Variants in CLVS1 observed in about 807,000 individuals in gnomAD.
The protein encoded by CLVS1 is clavesin-1.
Under a neutral mutation model 33.1 loss-of-function variants are expected in CLVS1, and 10 were observed. That is an observed-to-expected ratio of 0.30 (90% CI 0.19 to 0.51). The LOEUF is 0.51. Ranked by LOEUF, CLVS1 falls within the 20% of genes least tolerant of loss-of-function variation. CLVS1 has a pLI of 0.97. For synonymous variants in CLVS1, 163 were observed against 166.1 expected, an observed-to-expected ratio of 0.98 and a Z score of 0.14; for missense variants, 343 against 433.4, an observed-to-expected ratio of 0.79 and a Z score of 1.85.
chr8:61,358,794 C>T (rs904787854), intron 2 of CLVS1, among the ~76,000 whole-genome samples: 1 of 152,100 alleles, frequency 6.6e-6, no homozygotes, highest in Non-Finnish European at 1.5e-5. Context: ...ATACATCAGG[C>T]ACATAGATTT....
intron 2 of CLVS1, among the ~76,000 whole-genome samples, chr8:61,147,467 G>A (rs900412055): frequency 6.6e-6 from 1 of 152,160 alleles, no homozygotes; most frequent in African/African-American, 2.4e-5. Context: ...ACATTTCTGG[G>A]CATAGTAGTT....
chr8:61,219,069 C>G (rs765685696), intron 2 of CLVS1, among the ~76,000 whole-genome samples: 1 of 152,194 alleles, frequency 6.6e-6, no homozygotes, highest in Non-Finnish European at 1.5e-5. Context: ...TTCATAGGAT[C>G]TCTGAGGTCA....
chr8:61,014,609 A>T, the CLVS1 span, among the ~76,000 whole-genome samples: 1 of 152,232 alleles, frequency 6.6e-6, no homozygotes, highest in African/African-American at 2.4e-5. Context: ...AGTTGTTTTT[A>T]TGTGTTTTGA....
chr8:61,475,499 G>A (rs1262176506), intron 5 of CLVS1, among the ~76,000 whole-genome samples: 2 of 152,240 alleles, frequency 1.3e-5, no homozygotes, highest in Non-Finnish European at 2.9e-5. Flanking sequence ...TAACTGGTGT[G>A]AGATGGTATC....
At chr8:61,328,308 A>G (rs1811460064) in intron 2 of CLVS1, among the ~76,000 whole-genome samples, 1 of 152,194 alleles carries the variant, frequency 6.6e-6, no homozygotes, top group Admixed American at 6.5e-5. Context: ...GATCCCAGCT[A>G]AAGGAAAAGA....
the CLVS1 span, among the ~76,000 whole-genome samples, chr8:60,989,669 G>A: frequency 3.9e-5 from 6 of 152,206 alleles, no homozygotes; most frequent in East Asian, 5.8e-4. Flanking sequence ...TCCACAAAGC[G>A]GCTAAGAAAA....
chr8:61,175,683 A>G (rs1446803421), intron 2 of CLVS1, among the ~76,000 whole-genome samples: 10 of 152,206 alleles, frequency 6.6e-5, no homozygotes, highest in Non-Finnish European at 8.8e-5. Flanking sequence ...GCCATAAGCC[A>G]AGGAATGCCA....
At chr8:61,145,307 ACTT>A (rs1437228397) in intron 2 of CLVS1, among the ~76,000 whole-genome samples, 1 of 152,238 alleles carries the variant, frequency 6.6e-6, no homozygotes. Context: ...ATGAACAGAC[ACTT>A]CTTTAATTTT....
At chr8:61,132,253 G>A (rs1370546748) in intron 2 of CLVS1, among the ~76,000 whole-genome samples, 1 of 152,232 alleles carries the variant, frequency 6.6e-6, no homozygotes, top group African/African-American at 2.4e-5. Context: ...TCTTTGGGAG[G>A]GAGCCCACAG....
chr8:61,231,185 C>A (rs1404554950), intron 2 of CLVS1, among the ~76,000 whole-genome samples: 1 of 152,140 alleles, frequency 6.6e-6, no homozygotes, highest in African/African-American at 2.4e-5. Flanking sequence ...CAGGCCAATA[C>A]CCATGAGAGA....
chr8:61,399,455 A>T (rs1814665019), intron 3 of CLVS1, among the ~76,000 whole-genome samples: 2 of 152,086 alleles, frequency 1.3e-5, no homozygotes. Context: ...TGTCAGATGG[A>T]TAGATTACAA....
At chr8:61,112,056 AC>A (rs1805637168) in intron 1 of CLVS1, among the ~76,000 whole-genome samples, 1 of 152,198 alleles carries the variant, frequency 6.6e-6, no homozygotes, top group South Asian at 2.1e-4. Context: ...TGAATAGTTA[AC>A]TAAAGTTGTG....
chr8:61,209,783 G>C (rs1428662693), intron 2 of CLVS1, among the ~76,000 whole-genome samples: 1 of 152,096 alleles, frequency 6.6e-6, no homozygotes. Context: ...AGGTCAGTGT[G>C]GTAGGCAGAA....
intron 5 of CLVS1, among the ~76,000 whole-genome samples, chr8:61,475,046 G>A (rs906786927): frequency 9.9e-5 from 15 of 152,154 alleles, no homozygotes; most frequent in Non-Finnish European, 1.5e-5. Flanking sequence ...AACATGCAGG[G>A]TTTGGTTTTT....
chr8:61,295,517 C>G (rs1018360552), intron 1 of CLVS1, among the ~76,000 whole-genome samples: 4 of 152,048 alleles, frequency 2.6e-5, no homozygotes, highest in African/African-American at 9.7e-5. Context: ...ATTAGGCCAC[C>G]CAAGAATATC....
chr8:61,319,489 C>T (rs1216010787), intron 2 of CLVS1, among the ~76,000 whole-genome samples: 4 of 152,292 alleles, frequency 2.6e-5, no homozygotes, highest in Middle Eastern at 3.4e-3. Flanking sequence ...TCCAGCTCCT[C>T]ATTTTATGTG....
chr8:61,212,258 G>C (rs1807986026), intron 2 of CLVS1, among the ~76,000 whole-genome samples: 1 of 152,208 alleles, frequency 6.6e-6, no homozygotes, highest in Non-Finnish European at 1.5e-5. Context: ...TTCCCAGGGA[G>C]GTAGTGTCTG....
intron 1 of CLVS1, among the ~76,000 whole-genome samples, chr8:61,058,920 A>G (rs1194120279): frequency 6.6e-6 from 1 of 152,128 alleles, no homozygotes; most frequent in Non-Finnish European, 1.5e-5. Context: ...TATAGATATT[A>G]TACAGTTTGT....
rs188057618 is a variant in CLVS1 at position 61,174,375 on chromosome 8, G to T, written c.-152+42515G>T. ...CACTTGAACCTGGGAGGCAGAGGTT[G>T]CAGTGAGCTAAGATCATGTCATTGT... On this transcript the variant is annotated intron_variant, in intron 2 of 2. Transcript: ENST00000522621. Among the ~76,000 whole-genome samples, 53 of 152,250 alleles carry T rather than the reference G, an allele frequency of 3.5e-4. No individual in the cohort carries two copies. The East Asian group carries it at 9.8e-3, about 28-fold the overall frequency.
Sources: allele counts gnomAD v4.1 joint callset (sites outside exome capture counted in the v4.1 genomes callset), GRCh38; gene constraint gnomAD v4.1.1; transcripts MANE v1.5; gene names NCBI Gene and HGNC (gene_info 2026-07-23, HGNC 2026-07-21).